TSNAXIP1: variants seen among roughly 807,000 people sequenced by gnomAD.
TSNAXIP1 encodes the protein translin-associated factor X-interacting protein 1.
In TSNAXIP1, 89 loss-of-function variants were observed where a neutral mutation model predicts 84.8. The ratio of observed to expected loss-of-function variants is 1.05; its 90% confidence interval spans 0.88 to 1.25. The LOEUF (loss-of-function observed/expected upper bound fraction) is 1.25. TSNAXIP1 is among the 50% of genes most tolerant of loss of function. TSNAXIP1 has a pLI of 0.00. For missense variants in TSNAXIP1, 874 were observed against 887.6 expected (o/e 0.98, Z 0.20); for synonymous variants, 347 against 335.2 (o/e 1.04, Z -0.39).
Position 67,823,635 on chromosome 16 carries a change from G to C in TSNAXIP1, c.397G>C (p.Glu133Gln), listed in dbSNP as rs2057228577. 1 of 1,613,638 alleles carries C rather than the reference G, an allele frequency of 6.2e-7. No homozygotes were observed. ...TCCCTTTTCTTGCCAGCCTTACAGA[G>C]AGATCTTTGAGTTCTTCATAGAGGA... ...TQELRLQPYR[E>Q]IFEFFIEDFK... The change falls in exon 5 of 16, where the codon GAG (glutamate) becomes CAG (glutamine). Residue 133 changes from glutamate (E) to glutamine (Q), a missense_variant. Coordinates refer to ENST00000561639, the MANE Select transcript of TSNAXIP1 (RefSeq NM_001288990.3).
chr16:67,822,278 CAA>C (rs931299742), intron 4 of TSNAXIP1, among the ~76,000 whole-genome samples: 13 of 51,930 alleles, frequency 2.5e-4, no homozygotes, highest in Middle Eastern at 0.013. Flanking sequence ...GACTCCATCT[CAA>C]AAAAAAAAAA....
At chr16:67,815,188 T>G (rs1297122139) in intron 2 of TSNAXIP1, among the ~76,000 whole-genome samples, 2 of 151,546 alleles carry the variant, frequency 1.3e-5, no homozygotes, top group African/African-American at 4.9e-5. Flanking sequence ...TGGTGGTGCA[T>G]CTGTAGTCCC....
Position 67,824,623 on chromosome 16 carries a change from G to A in TSNAXIP1, c.522G>A (p.Lys174=). Residue 174 remains lysine (K), a synonymous_variant, in exon 6 of 16, where the codon AAG becomes AAA. Coordinates refer to ENST00000561639, the MANE Select transcript of TSNAXIP1 (RefSeq NM_001288990.3). Reference sequence around the variant, plus strand: ...AGATTCGGGCTCTGGAGCCCCTGAAGGCCAAGCTTGTCACTGTGAATGAGG... The same window carrying A: ...AGATTCGGGCTCTGGAGCCCCTGAAAGCCAAGCTTGTCACTGTGAATGAGG... ...REKIRALEPL[K]AKLVTVNEDC... 3 of 1,614,128 alleles carry A rather than the reference G, an allele frequency of 1.9e-6. No homozygotes were observed. The highest frequency in any genetic ancestry group is 2.5e-6 in the Non-Finnish European group (3 of 1,180,000).
At position 67,823,693 on chromosome 16, in the gene TSNAXIP1, T is replaced by C. The variant is rs761525224; in HGVS notation, c.455T>C (p.Ile152Thr). 1 of 1,613,288 alleles carries C rather than the reference T, an allele frequency of 6.2e-7. No homozygotes were observed. Among genetic ancestry groups the C allele is most frequent in the East Asian group, 2.2e-5 (1 of 44,810 alleles). ...ACGTACAAGCCATTACTATCCTCCA[T>C]CAAGAATGCGTATGAGGGGATGCTG... ...FKTYKPLLSS[I>T]KNAYEGMLAH... The change falls in exon 5 of 16, where the codon ATC becomes ACC. Residue 152 changes from isoleucine to threonine, a missense_variant. Physicochemically the swap from Ile to Thr is moderately conservative, Grantham distance 89. Coordinates refer to ENST00000561639, the MANE Select transcript of TSNAXIP1 (RefSeq NM_001288990.3).
intron 1 of TSNAXIP1, among the ~76,000 whole-genome samples, chr16:67,813,727 G>A (rs1032902194): frequency 1.6e-4 from 14 of 85,012 alleles, no homozygotes; most frequent in East Asian, 1.4e-3. Context: ...GTAAGACTCC[G>A]TCTCAAAAAA....
At chr16:67,823,968 G>A (rs2057257958) in intron 5 of TSNAXIP1, among the ~76,000 whole-genome samples, 1 of 137,968 alleles carries the variant, frequency 7.2e-6, no homozygotes, top group African/African-American at 2.7e-5. Flanking sequence ...GCAGTGAGTT[G>A]AGATCACACC....
intron 6 of TSNAXIP1, 54 bp from the exon 7 acceptor site, chr16:67,825,083 C>T: frequency 2.5e-6 from 4 of 1,593,942 alleles, no homozygotes; most frequent in Non-Finnish European, 3.4e-6. Context: ...GGGTGACCAG[C>T]TGCATACAGG....
At chr16:67,825,472 AG>A (rs1342534515) in intron 7 of TSNAXIP1, among the ~76,000 whole-genome samples, 194 bp from the exon 8 acceptor site, 7 of 152,182 alleles carry the variant, frequency 4.6e-5, no homozygotes, top group Admixed American at 4.6e-4. Context: ...TTGGTAGCTG[AG>A]GCAGCCTAGG....
chr16:67,823,795 T>C, intron 5 of TSNAXIP1, 76 bp downstream of exon 5: 1 of 1,268,542 alleles, frequency 7.9e-7, no homozygotes, highest in Admixed American at 1.8e-5. Context: ...AGGCGGTAGA[T>C]CACTTGAGGT....
rs2057603705 is a variant in TSNAXIP1 at position 67,828,000 on chromosome 16, G to A, written c.*7G>A. The A allele has an allele frequency of 6.2e-7, 1 of 1,612,080 alleles. No homozygotes were observed. The highest frequency in any genetic ancestry group is 1.3e-5 in the African/African-American group (1 of 74,878). On this transcript the variant is annotated 3_prime_UTR_variant, in exon 16 of 16. Coordinates refer to ENST00000561639, the MANE Select transcript of TSNAXIP1 (RefSeq NM_001288990.3). ...GCCAGAGCCTGCAAGCTAGGAACTTGTGGGCAGCCTGCGTACTCCAGTCCT... is the reference window on the plus strand; with the variant it reads ...GCCAGAGCCTGCAAGCTAGGAACTTATGGGCAGCCTGCGTACTCCAGTCCT...
In TSNAXIP1 at chr16:67,827,463, C is replaced by T. The variant is rs376282231; in HGVS notation, c.1792-10C>T. The T allele has an allele frequency of 5.6e-6, 9 of 1,613,964 alleles. No homozygotes were observed. Among genetic ancestry groups the T allele is most frequent in the Non-Finnish European group, 7.6e-6 (9 of 1,179,958 alleles). ...AATGTGCCCTCCCCCTGACTTGTGGCCCCTCCCAGGATGAGGAGGGCCAGA... is the reference window on the plus strand; with the variant it reads ...AATGTGCCCTCCCCCTGACTTGTGGTCCCTCCCAGGATGAGGAGGGCCAGA... On this transcript the variant is annotated splice_polypyrimidine_tract_variant and intron_variant, in intron 14 of 15. Transcript: ENST00000561639.
intron 7 of TSNAXIP1, 26 bp downstream of exon 7, chr16:67,825,298 T>C: frequency 6.2e-7 from 1 of 1,612,848 alleles, no homozygotes; most frequent in Non-Finnish European, 8.5e-7. Flanking sequence ...GAATCGGGTT[T>C]CTCTCTTCTC....
rs1380718806 is a variant in TSNAXIP1, at chr16:67,827,305, T to C, written c.1721T>C (p.Met574Thr). ...LKTEEQIQEL[M>T]EAGGWHPSSS... ...ACAGAAGAGCAAATCCAGGAGCTGA[T>C]GGAGGCAGGGGGCTGGCATCCCAGC... The change falls in exon 14 of 16, where the codon ATG (methionine) becomes ACG (threonine). Residue 574 changes from methionine to threonine, a missense_variant. Physicochemically the swap from Met to Thr is moderately conservative, Grantham distance 81. Transcript: ENST00000561639. 5.6e-6 allele frequency: 9 copies of C among 1,614,082 alleles called. No individual in the cohort carries two copies. The highest frequency in any genetic ancestry group is 5.1e-6 in the Non-Finnish European group (6 of 1,180,044).
At position 67,827,306 on chromosome 16, in the gene TSNAXIP1, G is replaced by A; in HGVS notation, c.1722G>A (p.Met574Ile). Residue 574 changes from methionine (M) to isoleucine (I), a missense_variant, in exon 14 of 16, where the codon ATG (methionine) becomes ATA (isoleucine). By Grantham distance (10) the Met-to-Ile change is conservative (BLOSUM62 1). Coordinates refer to ENST00000561639, the MANE Select transcript of TSNAXIP1 (RefSeq NM_001288990.3). ...CAGAAGAGCAAATCCAGGAGCTGAT[G>A]GAGGCAGGGGGCTGGCATCCCAGCA... Reference protein sequence around the residue: ...LKTEEQIQELMEAGGWHPSSS... With the variant: ...LKTEEQIQELIEAGGWHPSSS... 2 of 1,614,238 alleles carry A rather than the reference G, an allele frequency of 1.2e-6. No homozygotes were observed. The highest frequency in any genetic ancestry group is 1.7e-6 in the Non-Finnish European group (2 of 1,180,042).
At position 67,814,330 on chromosome 16, in the gene TSNAXIP1, A is replaced by G. The variant is rs1375118789; in HGVS notation, c.76A>G (p.Ile26Val). 1 of 1,536,060 alleles carries G rather than the reference A, an allele frequency of 6.5e-7. No homozygotes were observed. The highest frequency in any genetic ancestry group is 8.7e-7 in the Non-Finnish European group (1 of 1,146,900). ...ACAGCCACGGCCTTCAGGAGTGACCATAGACGAATCCTTTCTCACAGAAGA... is the reference window on the plus strand; with the variant it reads ...ACAGCCACGGCCTTCAGGAGTGACCGTAGACGAATCCTTTCTCACAGAAGA... Reference protein sequence around the residue: ...RLQPRPSGVTIDESFLTEDKS... With the variant: ...RLQPRPSGVTVDESFLTEDKS... The change falls in exon 2 of 16, where the codon ATA becomes GTA. Residue 26 changes from isoleucine (I) to valine (V), a missense_variant. Physicochemically the swap from Ile to Val is conservative, Grantham distance 29 (BLOSUM62 3). Coordinates refer to ENST00000561639, the MANE Select transcript of TSNAXIP1 (RefSeq NM_001288990.3).
chr16:67,812,029 C>T (rs1048342726), intron 1 of TSNAXIP1, among the ~76,000 whole-genome samples: 3 of 152,166 alleles, frequency 2.0e-5, no homozygotes, highest in Non-Finnish European at 4.4e-5. Flanking sequence ...CTCTCAACTT[C>T]CCTGGAGTTT....
chr16:67,827,572 A>G lies in TSNAXIP1; in HGVS notation c.1891A>G (p.Ile631Val). ...YLQQLKQELGIELHEEVTLPK... is the reference protein window; with the variant it reads ...YLQQLKQELGVELHEEVTLPK... Reference sequence around the variant, plus strand: ...ACAGCAGCTAAAGCAGGAGCTTGGCATAGAACTGTGAGTGACCCTCATCCA... The same window carrying G: ...ACAGCAGCTAAAGCAGGAGCTTGGCGTAGAACTGTGAGTGACCCTCATCCA... Residue 631 changes from isoleucine to valine, a missense_variant, in exon 15 of 16, where the codon ATA becomes GTA. Physicochemically the swap from Ile to Val is conservative, Grantham distance 29 (BLOSUM62 3). Coordinates refer to ENST00000561639, the MANE Select transcript of TSNAXIP1 (RefSeq NM_001288990.3). 6.2e-7 allele frequency: 1 copy of G among 1,614,184 alleles called. No homozygotes were observed. The highest frequency in any genetic ancestry group is 1.1e-5 in the South Asian group (1 of 91,088).
intron 1 of TSNAXIP1, among the ~76,000 whole-genome samples, chr16:67,812,597 C>T (rs1408323857): frequency 1.3e-5 from 2 of 150,688 alleles, no homozygotes; most frequent in Non-Finnish European, 3.0e-5. Context: ...ACCTGGGAGT[C>T]GGAGGCTGCA....
rs765597268 is a variant in TSNAXIP1 at position 67,826,051 on chromosome 16, G to A, written c.1119G>A (p.Pro373=). The A allele has an allele frequency of 2.4e-5, 38 of 1,613,494 alleles. No individual in the cohort carries two copies. The highest frequency in any genetic ancestry group is 1.3e-4 in the Admixed American group (8 of 60,008). The change falls in exon 9 of 16, where the codon CCG becomes CCA. Residue 373 remains proline (P), a synonymous_variant. Coordinates refer to ENST00000561639, the MANE Select transcript of TSNAXIP1 (RefSeq NM_001288990.3). The part of the protein sequence containing the change: ...ELQEIQRTST[P]RPDWTKCKDV... ...AGGAGATCCAGCGCACTTCCACGCC[G>A]CGGCCTGACTGGACCAAGTGCAAAG...
Sources: gnomAD v4.1 joint callset for allele counts (sites outside exome capture counted in the v4.1 genomes callset) on GRCh38, gnomAD v4.1.1 for gene constraint, MANE v1.5 for transcripts, NCBI Gene and HGNC (gene_info 2026-07-23, HGNC 2026-07-21) for gene names.